Variants in CUL3 observed in about 807,000 individuals in gnomAD.
The protein encoded by CUL3 is cullin-3.
CUL3 carries 19 observed loss-of-function variants against 89.1 expected under a neutral mutation model. The observed-to-expected ratio is 0.21, with a 90% CI of 0.15 to 0.31. CUL3 has a LOEUF of 0.31. Ranked by LOEUF, CUL3 falls within the 10% of genes least tolerant of loss-of-function variation. The pLI, the probability that CUL3 is intolerant of heterozygous loss-of-function variation, is 1.00. For missense variants in CUL3, 469 were observed against 942.3 expected (o/e 0.50, Z 6.58); for synonymous variants, 351 against 308.4 (o/e 1.14, Z -1.45).
chr2:224,514,170 T>C (rs1692946103), intron 4 of CUL3, among the ~76,000 whole-genome samples: 1 of 152,080 alleles, frequency 6.6e-6, no homozygotes, highest in Non-Finnish European at 1.5e-5. Context: ...ACTGCAATCA[T>C]TGTTATGAAG....
intron 13 of CUL3, among the ~76,000 whole-genome samples, chr2:224,483,470 TATTAGAG>T (rs760351309): frequency 1.3e-4 from 20 of 152,234 alleles, no homozygotes; most frequent in Admixed American, 8.5e-4. Flanking sequence ...GACATCTTTC[TATTAGAG>T]TTAGGAACAA....
rs577203902 is a variant in CUL3 at position 224,566,066 on chromosome 2, C to G, written c.67-8210G>C. On this transcript the variant is annotated intron_variant, in intron 1 of 15. Transcript: ENST00000264414. ...AAGAGCCTTAAAGGTCCTTATTGAC[C>G]CCCCACCTTCCCCATCTACAGGCTG... Among the ~76,000 whole-genome samples, 44 of 152,096 alleles carry G rather than the reference C, an allele frequency of 2.9e-4. 1 individual carries two copies. The highest frequency in any genetic ancestry group is 3.9e-4 in the Admixed American group (6 of 15,264).
chr2:224,532,300 G>C (rs1362822202), intron 3 of CUL3, among the ~76,000 whole-genome samples: 1 of 152,156 alleles, frequency 6.6e-6, no homozygotes, highest in Non-Finnish European at 1.5e-5. Context: ...CTCTATTTAA[G>C]GGGGGATGGT....
At position 224,580,690 on chromosome 2, in the gene CUL3, GA is replaced by G. The variant is rs1026968658; in HGVS notation, c.66+4253del. ...CAGAGCAAGACTCTGTCTCAAAAAAGAAAAAAAAAATGCACTCAAAACACTA... is the reference window on the plus strand; with the variant it reads ...CAGAGCAAGACTCTGTCTCAAAAAAGAAAAAAAAATGCACTCAAAACACTA... On this transcript the variant is annotated intron_variant, in intron 1 of 15. Transcript: ENST00000264414. Among the ~76,000 whole-genome samples the G allele has an allele frequency of 7.6e-5, 11 of 145,064 alleles. No homozygotes were observed. The South Asian group carries it at 8.7e-4, about 11-fold the overall frequency.
chr2:224,549,133 A>G (rs1350314703), intron 2 of CUL3, among the ~76,000 whole-genome samples: 2 of 152,114 alleles, frequency 1.3e-5, no homozygotes, highest in Non-Finnish European at 2.9e-5. Flanking sequence ...CATGGACAAC[A>G]TGGCAAAACA....
chr2:224,559,499 A>T lies in CUL3; in HGVS notation c.67-1643T>A, dbSNP rs1237914964. On this transcript the variant is annotated intron_variant, in intron 1 of 15. Coordinates refer to ENST00000264414, the MANE Select transcript of CUL3 (RefSeq NM_003590.5). The stretch of plus-strand genomic sequence containing the variant: ...TGTCAGTTTCCTATGTCAAAAACAA[A>T]TCCTCACAAACCCATATATTCCTTC... 2.0e-5 allele frequency among the ~76,000 whole-genome samples: 3 copies of T among 152,030 alleles called. 1 individual carries two copies. The highest frequency in any genetic ancestry group is 6.3e-3 in the Middle Eastern group (2 of 316).
chr2:224,568,122 G>A (rs1170761242), intron 1 of CUL3, among the ~76,000 whole-genome samples: 1 of 151,818 alleles, frequency 6.6e-6, no homozygotes, highest in Non-Finnish European at 1.5e-5. Context: ...CATATCTTCT[G>A]AACACAGCTA....
At chr2:224,525,581 A>G (rs1441669976) in intron 3 of CUL3, among the ~76,000 whole-genome samples, 1 of 152,228 alleles carries the variant, frequency 6.6e-6, no homozygotes, top group Non-Finnish European at 1.5e-5. Flanking sequence ...TTGATCTCCT[A>G]AAGTATTGCT....
rs753461792 is a variant in CUL3, at chr2:224,557,731, C to T, written c.192G>A (p.Met64Ile). The stretch of plus-strand genomic sequence containing the variant: ...GCTTTTCTCCATGTTTATGCAAAAC[C>T]ATTGTATATGCATTTCTATAGAGCT... Reference protein sequence around the residue: ...FEELYRNAYTMVLHKHGEKLY... With the variant: ...FEELYRNAYTIVLHKHGEKLY... The change falls in exon 2 of 16, where the codon ATG becomes ATA. Residue 64 changes from methionine (M) to isoleucine (I), a missense_variant. By Grantham distance (10) the Met-to-Ile change is conservative (BLOSUM62 1). Coordinates refer to ENST00000264414, the MANE Select transcript of CUL3 (RefSeq NM_003590.5). 4 of 1,610,304 alleles carry T rather than the reference C, an allele frequency of 2.5e-6. No homozygotes were observed. The highest frequency in any genetic ancestry group is 1.1e-5 in the South Asian group (1 of 90,950).
rs555604144 is a variant in CUL3, at chr2:224,525,558, T to A, written c.378+9970A>T. Among the ~76,000 whole-genome samples, 8 of 152,296 alleles carry A rather than the reference T, an allele frequency of 5.3e-5. No homozygotes were observed. The South Asian group carries it at 1.7e-3, about 32-fold the overall frequency. On this transcript the variant is annotated intron_variant, in intron 3 of 15. Transcript: ENST00000264414. Reference sequence around the variant, plus strand: ...TTTACCTTCAAAGAAACACAATAAATTTTTTTGTTTTATTGATCTCCTAAA... The same window carrying A: ...TTTACCTTCAAAGAAACACAATAAAATTTTTTGTTTTATTGATCTCCTAAA...
At chr2:224,560,096 A>G (rs939780721) in intron 1 of CUL3, among the ~76,000 whole-genome samples, 1 of 151,956 alleles carries the variant, frequency 6.6e-6, no homozygotes, top group African/African-American at 2.4e-5. Flanking sequence ...AAAGAAGAAG[A>G]AAAAAAAGAA....
At chr2:224,579,117 GA>G (rs1257528277) in intron 1 of CUL3, among the ~76,000 whole-genome samples, 1 of 152,090 alleles carries the variant, frequency 6.6e-6, no homozygotes, top group African/African-American at 2.4e-5. Context: ...TATCTAGAAA[GA>G]CAAGACAAAA....
rs770645060 is a variant in CUL3, at chr2:224,513,566, ATCT to A, written c.609_611del (p.Glu203del). ...ACATTTCCAAAAAAGGAGCCTCAAA[ATCT>A]TCTTCATAGACTGATCTTCCTTCGA... On this transcript the variant is annotated inframe_deletion, in exon 5 of 16. Coordinates refer to ENST00000264414, the MANE Select transcript of CUL3 (RefSeq NM_003590.5). 4 of 1,600,934 alleles carry A rather than the reference ATCT, an allele frequency of 2.5e-6. No individual in the cohort carries two copies. The highest frequency in any genetic ancestry group is 2.7e-5 in the African/African-American group (2 of 74,218).
intron 14 of CUL3, 47 bp downstream of exon 14, chr2:224,481,845 G>A (rs1691549624): frequency 7.7e-7 from 1 of 1,298,474 alleles, no homozygotes; most frequent in Non-Finnish European, 1.0e-6. Flanking sequence ...TTTTTCTAAA[G>A]AGAAAAATAT....
intron 1 of CUL3, chr2:224,569,888 C>G (rs1695143162): frequency 4.5e-6 from 3 of 664,000 alleles, no homozygotes; most frequent in South Asian, 1.4e-4. Flanking sequence ...CCAGGCAATT[C>G]AGAATGACAC....
intron 2 of CUL3, among the ~76,000 whole-genome samples, chr2:224,546,118 T>C (rs1329282756): frequency 6.6e-6 from 1 of 152,186 alleles, no homozygotes; most frequent in African/African-American, 2.4e-5. Context: ...CTATGACTTA[T>C]CGTTTGTAAA....
rs182230922 is a variant in CUL3, at chr2:224,562,238, G to A, written c.67-4382C>T. ...TACTACACAAGGTTGTATGTAGTGC[G>A]TTTTTTTTTTCTTTTTAAATTAATG... On this transcript the variant is annotated intron_variant, in intron 1 of 15. Transcript: ENST00000264414. 6.2e-4 allele frequency among the ~76,000 whole-genome samples: 91 copies of A among 147,948 alleles called. 1 individual carries two copies. The highest frequency in any genetic ancestry group is 6.7e-4 in the Admixed American group (10 of 14,830).
chr2:224,549,637 T>TA (rs763594067), intron 2 of CUL3, among the ~76,000 whole-genome samples: 122 of 152,266 alleles, frequency 8.0e-4, no homozygotes, highest in Non-Finnish European at 1.2e-3. Flanking sequence ...TTCTTACTAT[T>TA]AAAGTGCTCA....
chr2:224,554,268 T>G (rs1429835492), intron 2 of CUL3, among the ~76,000 whole-genome samples: 2 of 152,226 alleles, frequency 1.3e-5, no homozygotes, highest in African/African-American at 2.4e-5. Context: ...TCCAAGTCTC[T>G]TCGTCTCGTT....
Sources: allele counts gnomAD v4.1 joint callset (sites outside exome capture counted in the v4.1 genomes callset), GRCh38; gene constraint gnomAD v4.1.1; transcripts MANE v1.5; gene names NCBI Gene and HGNC (gene_info 2026-07-23, HGNC 2026-07-21).